The following TCF23 variants were observed in gnomAD, a reference collection of about 807,000 sequenced individuals.
TCF23 encodes class A basic helix-loop-helix protein 24.
Under a neutral mutation model 13.0 loss-of-function variants are expected in TCF23, and 7 were observed. That is an observed-to-expected ratio of 0.54 (90% CI 0.31 to 1.01). The LOEUF is 1.01. Among genes scored for constraint, TCF23 ranks in the 50% least tolerant of loss-of-function variants. The pLI is 0.06. For missense variants in TCF23, 257 were observed against 289.8 expected (o/e 0.89, Z 0.82); for synonymous variants, 122 against 119.5 (o/e 1.02, Z -0.14).
Position 27,150,467 on chromosome 2 carries a change from C to T in TCF23, c.465+102C>T. ...GGACATTGGACTTGGGCCCCCTGCC[C>T]TGTGCAGAACTGACGTCGGAGCCAA... On this transcript the variant is annotated intron_variant, in intron 2 of 2. Coordinates refer to ENST00000296096, the MANE Select transcript of TCF23 (RefSeq NM_175769.3). The surrounding 1 kb of genome is among the most constrained non-coding windows in gnomAD (Gnocchi z 4.1). 6.5e-7 allele frequency: 1 copy of T among 1,529,840 alleles called. No homozygotes were observed. Among genetic ancestry groups the T allele is most frequent in the Non-Finnish European group, 8.8e-7 (1 of 1,131,598 alleles). 94.8% of individuals were successfully genotyped at this position (1,529,840 alleles called of 1,614,324 possible).
Position 27,149,107 on chromosome 2 carries a change from T to G in TCF23, c.-27T>G. 1 of 1,546,220 alleles carries G rather than the reference T, an allele frequency of 6.5e-7. No individual in the cohort carries two copies. The highest frequency in any genetic ancestry group is 8.7e-7 in the Non-Finnish European group (1 of 1,144,586). On this transcript the variant is annotated 5_prime_UTR_variant, in exon 1 of 3. Transcript: ENST00000296096. ...CTCCTCAGGCACTGTGTTTCTGCTC[T>G]GTGGGCTGCAGCCCCAGTGGGGTGG...
chr2:27,150,427 G>T lies in TCF23; in HGVS notation c.465+62G>T. On this transcript the variant is annotated intron_variant, in intron 2 of 2. Coordinates refer to ENST00000296096, the MANE Select transcript of TCF23 (RefSeq NM_175769.3). The surrounding 1 kb of genome is among the most constrained non-coding windows in gnomAD (Gnocchi z 4.1). Reference sequence around the variant, plus strand: ...TAATGCCCAGGGCCTTGGAGAAAGGGATTGGAATGAGGGGGGACATTGGAC... The same window carrying T: ...TAATGCCCAGGGCCTTGGAGAAAGGTATTGGAATGAGGGGGGACATTGGAC... The T allele has an allele frequency of 1.3e-6, 2 of 1,584,870 alleles. No homozygotes were observed. Among genetic ancestry groups the T allele is most frequent in the Non-Finnish European group, 1.7e-6 (2 of 1,160,606 alleles).
chr2:27,150,512 G>C lies in TCF23; in HGVS notation c.465+147G>C. On this transcript the variant is annotated intron_variant, in intron 2 of 2. Coordinates refer to ENST00000296096, the MANE Select transcript of TCF23 (RefSeq NM_175769.3). This position sits in a 1 kb window ranked among gnomAD's most constrained non-coding sequence, Gnocchi z 4.1. Reference sequence around the variant, plus strand: ...AGCCAATTTCTCCTGCTGTCTCAGAGGGAGAGGAGCCAAGGCTGACCCTTG... The same window carrying C: ...AGCCAATTTCTCCTGCTGTCTCAGACGGAGAGGAGCCAAGGCTGACCCTTG... The C allele has an allele frequency of 7.1e-7, 1 of 1,401,502 alleles. No individual in the cohort carries two copies. Among genetic ancestry groups the C allele is most frequent in the East Asian group, 2.3e-5 (1 of 42,912 alleles). 86.8% of individuals were successfully genotyped at this position (1,401,502 alleles called of 1,614,324 possible). A position where few individuals can be genotyped will look rare whatever the true frequency, so the allele number is the denominator to read the frequency against.
At chr2:27,151,796 T>C (rs1672764139) in intron 2 of TCF23, among the ~76,000 whole-genome samples, 1 of 151,082 alleles carries the variant, frequency 6.6e-6, no homozygotes, top group African/African-American at 2.4e-5. Flanking sequence ...CCACCACACC[T>C]GGCTTTTTTT....
Position 27,152,947 on chromosome 2 carries a change from C to T in TCF23, c.*80C>T. The T allele has an allele frequency of 6.5e-7, 1 of 1,548,498 alleles. No individual in the cohort carries two copies. The highest frequency in any genetic ancestry group is 8.7e-7 in the Non-Finnish European group (1 of 1,147,416). ...TTTCTACCAGCCCCCAGATTCTCAGCCATCAGACTTGACTCAGACTCAGCT... is the reference window on the plus strand; with the variant it reads ...TTTCTACCAGCCCCCAGATTCTCAGTCATCAGACTTGACTCAGACTCAGCT... On this transcript the variant is annotated 3_prime_UTR_variant, in exon 3 of 3. Transcript: ENST00000296096.
rs776295526 is a variant in TCF23, at chr2:27,152,676, T to G, written c.466-12T>G. On this transcript the variant is annotated splice_polypyrimidine_tract_variant and intron_variant, in intron 2 of 2. Transcript: ENST00000296096. ...TAGCAGCATTTCTCACTTCCCAATC[T>G]GTGTCTTGCAGAAGTGGCCGATGCG... 4 of 1,609,150 alleles carry G rather than the reference T, an allele frequency of 2.5e-6. No individual in the cohort carries two copies. In the Admixed American group the frequency reaches 6.7e-5, roughly 27 times the overall value.
chr2:27,149,113 C>T lies in TCF23; in HGVS notation c.-21C>T. ...AGGCACTGTGTTTCTGCTCTGTGGG[C>T]TGCAGCCCCAGTGGGGTGGCATGTC... On this transcript the variant is annotated 5_prime_UTR_variant, in exon 1 of 3. Transcript: ENST00000296096. 1 of 1,547,014 alleles carries T rather than the reference C, an allele frequency of 6.5e-7. No individual in the cohort carries two copies. Among genetic ancestry groups the T allele is most frequent in the Non-Finnish European group, 8.7e-7 (1 of 1,145,092 alleles).
chr2:27,156,345 G>T lies in TCF23; in HGVS notation c.*3478G>T, dbSNP rs1220808171. On this transcript the variant is annotated 3_prime_UTR_variant, in exon 3 of 3. Transcript: ENST00000296096. ...CCGTCTAAAAAAAAAAAAAAAATGCGGCTGTGGGAGAAGCAGAGCTGGCCC... is the reference window on the plus strand; with the variant it reads ...CCGTCTAAAAAAAAAAAAAAAATGCTGCTGTGGGAGAAGCAGAGCTGGCCC... 6.6e-6 allele frequency: 1 copy of T among 151,016 alleles called. No individual in the cohort carries two copies. The highest frequency in any genetic ancestry group is 2.1e-4 in the South Asian group (1 of 4,788). 9.4% of individuals were successfully genotyped at this position (151,016 alleles called of 1,614,324 possible).
At position 27,155,414 on chromosome 2, in the gene TCF23, C is replaced by G. The variant is rs866771666; in HGVS notation, c.*2547C>G. ...GTCAGGACTTGGATGCGTGAATGAA[C>G]CAGAAGTAACCCGCTTTGTCTCTGC... On this transcript the variant is annotated 3_prime_UTR_variant, in exon 3 of 3. Transcript: ENST00000296096. 5 of 152,392 alleles carry G rather than the reference C, an allele frequency of 3.3e-5. No homozygotes were observed. Among genetic ancestry groups the G allele is most frequent in the African/African-American group, 1.2e-4 (5 of 41,568 alleles). The allele number at this position is 152,392 out of a possible 1,614,324, so 9.4% of individuals were successfully genotyped here. A position where few individuals can be genotyped will look rare whatever the true frequency, so the allele number is the denominator to read the frequency against.
rs758714524 is a variant in TCF23, at chr2:27,150,173, G to A, written c.273G>A (p.Thr91=). 6.8e-6 allele frequency: 11 copies of A among 1,611,424 alleles called. No individual in the cohort carries two copies. The highest frequency in any genetic ancestry group is 2.0e-4 in the Middle Eastern group (1 of 5,126). Residue 91 remains threonine, a synonymous_variant, in exon 2 of 3, where the codon ACG becomes ACA. Coordinates refer to ENST00000296096, the MANE Select transcript of TCF23 (RefSeq NM_175769.3). This position sits in a 1 kb window ranked among gnomAD's most constrained non-coding sequence, Gnocchi z 4.1. ...CGCGGGAGCGGAGCCGGGTCAGGACGCTGCGCCAGGCCTTCTTGGCCTTGC... is the reference window on the plus strand; with the variant it reads ...CGCGGGAGCGGAGCCGGGTCAGGACACTGCGCCAGGCCTTCTTGGCCTTGC... The part of the protein sequence containing the change: ...NAARERSRVR[T]LRQAFLALQA...
rs1672776450 is a variant in TCF23 at position 27,152,605 on chromosome 2, G to A, written c.466-83G>A. The A allele has an allele frequency of 3.3e-6, 5 of 1,522,336 alleles. No individual in the cohort carries two copies. The South Asian group carries it at 6.3e-5, about 19-fold the overall frequency. The allele number at this position is 1,522,336 out of a possible 1,614,324, so 94.3% of individuals were successfully genotyped here. On this transcript the variant is annotated intron_variant, in intron 2 of 2. Coordinates refer to ENST00000296096, the MANE Select transcript of TCF23 (RefSeq NM_175769.3). ...GGTGTCAGGGAGGGATGCTGGAGAA[G>A]GCTGGGTTTTGGGTGTCAAGGATCC...
chr2:27,151,743 C>T (rs1206135019), intron 2 of TCF23, among the ~76,000 whole-genome samples: 2 of 152,134 alleles, frequency 1.3e-5, no homozygotes, highest in Non-Finnish European at 2.9e-5. Flanking sequence ...TCAAGGAATC[C>T]TCCCACCTCA....
chr2:27,150,106 T>A lies in TCF23; in HGVS notation c.223-17T>A, dbSNP rs1224017189. ...GGGAGTCCAGGTCACACACACTCAC[T>A]GGGGCCCTCTGTGCAGAGCGAGGCC... On this transcript the variant is annotated splice_polypyrimidine_tract_variant and intron_variant, in intron 1 of 2. Coordinates refer to ENST00000296096, the MANE Select transcript of TCF23 (RefSeq NM_175769.3). This position sits in a 1 kb window ranked among gnomAD's most constrained non-coding sequence, Gnocchi z 4.1. The A allele has an allele frequency of 1.3e-6, 2 of 1,589,278 alleles. No individual in the cohort carries two copies. The highest frequency in any genetic ancestry group is 1.7e-6 in the Non-Finnish European group (2 of 1,170,352).
At position 27,153,540 on chromosome 2, in the gene TCF23, C is replaced by CGT. The variant is rs1553354756; in HGVS notation, c.*673_*674insGT. 3.3e-5 allele frequency: 5 copies of CGT among 151,988 alleles called. No homozygotes were observed. The East Asian group carries it at 8.1e-4, about 24-fold the overall frequency. 9.4% of individuals were successfully genotyped at this position (151,988 alleles called of 1,614,324 possible). A position where few individuals can be genotyped will look rare whatever the true frequency, so the allele number is the denominator to read the frequency against. The stretch of plus-strand genomic sequence containing the variant: ...CTTTTCTTTTCTTTTCTTTTCGTTT[C>CGT]TTCTTCTTTTTATGTAGAGATGGGG... On this transcript the variant is annotated 3_prime_UTR_variant, in exon 3 of 3. Coordinates refer to ENST00000296096, the MANE Select transcript of TCF23 (RefSeq NM_175769.3).
At chr2:27,149,446 G>A in intron 1 of TCF23, 91 bp downstream of exon 1, 1 of 1,250,640 alleles carries the variant, frequency 8.0e-7, no homozygotes, top group Non-Finnish European at 1.1e-6. Flanking sequence ...GCCTCACTCA[G>A]TATTACCATT....
chr2:27,149,985 G>A (rs555071737), intron 1 of TCF23, 138 bp from the exon 2 acceptor site: 9 of 1,399,688 alleles, frequency 6.4e-6, no homozygotes, highest in South Asian at 2.7e-5. Context: ...TGCAGATGAC[G>A]TAGGTGGGCA....
Position 27,152,848 on chromosome 2 carries a change from C to T in TCF23, c.626C>T (p.Pro209Leu). The change falls in exon 3 of 3, where the codon CCA becomes CTA. Residue 209 changes from proline to leucine, a missense_variant. Physicochemically the swap from Pro to Leu is moderately conservative, Grantham distance 98 (BLOSUM62 -3). Coordinates refer to ENST00000296096, the MANE Select transcript of TCF23 (RefSeq NM_175769.3). ...DALLSTTPLS[P>L]ALGDK ...CTCCTTTCCACCACACCACTCTCAC[C>T]AGCTCTTGGTGACAAATAATTATCA... The T allele has an allele frequency of 6.2e-7, 1 of 1,613,828 alleles. No individual in the cohort carries two copies. The highest frequency in any genetic ancestry group is 1.6e-4 in the Middle Eastern group (1 of 6,062).
At position 27,149,318 on chromosome 2, in the gene TCF23, C is replaced by T. The variant is rs1256948278; in HGVS notation, c.185C>T (p.Pro62Leu). ...AGATGGAGCAGAGCTACCCCTGGCC[C>T]TCGAGGGACCAGGGCTGGGGGCCTG... ...NQRWSRATPG[P>L]RGTRAGGLAL... is the part of the protein sequence containing the mutation. The change falls in exon 1 of 3, where the codon CCT (proline) becomes CTT (leucine). Residue 62 changes from proline (P) to leucine (L), a missense_variant. Physicochemically the swap from Pro to Leu is moderately conservative, Grantham distance 98. Coordinates refer to ENST00000296096, the MANE Select transcript of TCF23 (RefSeq NM_175769.3). The T allele has an allele frequency of 1.9e-6, 3 of 1,592,252 alleles. No individual in the cohort carries two copies. In the East Asian group the frequency reaches 6.8e-5, roughly 36 times the overall value.
chr2:27,155,729 C>T lies in TCF23; in HGVS notation c.*2862C>T, dbSNP rs1373054438. The stretch of plus-strand genomic sequence containing the variant: ...CTCCAGCCTGGGCGACAGAGCAAGA[C>T]CCCATCTCGGGAAAAAAAAATGAAA... On this transcript the variant is annotated 3_prime_UTR_variant, in exon 3 of 3. Transcript: ENST00000296096. The T allele has an allele frequency of 2.0e-5, 3 of 150,740 alleles. No homozygotes were observed. The highest frequency in any genetic ancestry group is 7.3e-5 in the African/African-American group (3 of 40,826). 9.3% of individuals were successfully genotyped at this position (150,740 alleles called of 1,614,324 possible). A position where few individuals can be genotyped will look rare whatever the true frequency, so the allele number is the denominator to read the frequency against.
Sources: allele counts gnomAD v4.1 joint callset (sites outside exome capture counted in the v4.1 genomes callset), GRCh38; gene constraint gnomAD v4.1.1; non-coding constraint Gnocchi (gnomAD v3.1); transcripts MANE v1.5; gene names NCBI Gene and HGNC (gene_info 2026-07-23, HGNC 2026-07-21).